The following DYNC2I1 variants were observed in gnomAD, a reference collection of about 807,000 sequenced individuals.
DYNC2I1 encodes cytoplasmic dynein 2 intermediate chain 1.
DYNC2I1 carries 89 observed loss-of-function variants against 133.4 expected under a neutral mutation model. That is an observed-to-expected ratio of 0.67 (90% CI 0.56 to 0.80). DYNC2I1 has a LOEUF of 0.80. Ranked by LOEUF, DYNC2I1 falls within the 30% of genes least tolerant of loss-of-function variation. The pLI, the probability that DYNC2I1 is intolerant of heterozygous loss-of-function variation, is 0.00. For synonymous variants in DYNC2I1, 504 were observed against 484.3 expected (o/e 1.04, Z -0.54); for missense variants, 1,291 against 1,314.5 (o/e 0.98, Z 0.28).
intron 15 of DYNC2I1, 121 bp from the exon 16 acceptor site, chr7:158,922,256 G>T (rs181065773): frequency 4.4e-5 from 43 of 968,516 alleles, no homozygotes; most frequent in African/African-American, 6.6e-5. Context: ...TGTTGGTTTC[G>T]AAAGGACCAC....
downstream of DYNC2I1, among the ~76,000 whole-genome samples, chr7:158,949,489 G>C (rs1851987647): frequency 6.6e-6 from 1 of 152,078 alleles, no homozygotes; most frequent in Non-Finnish European, 1.5e-5. Context: ...ACGAGAGCCA[G>C]GGTCCACCCC....
chr7:158,881,602 T>C (rs1325995174), intron 5 of DYNC2I1, among the ~76,000 whole-genome samples: 14 of 152,174 alleles, frequency 9.2e-5, no homozygotes, highest in African/African-American at 2.4e-4. Flanking sequence ...TACAGGCATG[T>C]GCCACCACTC....
chr7:158,926,936 G>C (rs1486886931), intron 19 of DYNC2I1, 56 bp from the exon 20 acceptor site: 2 of 1,325,418 alleles, frequency 1.5e-6, no homozygotes, highest in East Asian at 2.5e-5. Flanking sequence ...GCTTTGCTTA[G>C]GTTGTTTCAT....
intron 1 of DYNC2I1, among the ~76,000 whole-genome samples, chr7:158,864,810 A>T (rs932304557): frequency 9.2e-5 from 14 of 152,190 alleles, no homozygotes; most frequent in Non-Finnish European, 1.5e-4. Flanking sequence ...CTGGCTCAAA[A>T]TAACTTCTTT....
At chr7:158,953,176 TACCCTCCTC>T (rs1852106350) in intron 4 of DYNC2I1, among the ~76,000 whole-genome samples, 1 of 127,960 alleles carries the variant, frequency 7.8e-6, no homozygotes, top group African/African-American at 2.8e-5. Context: ...TGGCTGCTCC[TACCCTCCTC>T]GCCCTCCTCT....
At chr7:158,884,948 A>G (rs944461224) in intron 6 of DYNC2I1, among the ~76,000 whole-genome samples, 1 of 152,212 alleles carries the variant, frequency 6.6e-6, no homozygotes, top group Non-Finnish European at 1.5e-5. Flanking sequence ...ATGCAAAATT[A>G]GAAAATTGGT....
intron 14 of DYNC2I1, among the ~76,000 whole-genome samples, chr7:158,917,392 T>C (rs34824454): frequency 0.21 from 10,496 of 50,322 alleles, 633 homozygotes; most frequent in Non-Finnish European, 0.23. Flanking sequence ...CTCCACCCTC[T>C]GCCTCTCACT....
At chr7:158,874,498 C>T (rs1219424954) in intron 3 of DYNC2I1, among the ~76,000 whole-genome samples, 3 of 151,946 alleles carry the variant, frequency 2.0e-5, no homozygotes, top group South Asian at 2.1e-4. Context: ...CCTTTTTTGG[C>T]TGCCTGCTCA....
chr7:158,912,315 T>A (rs531944917), intron 12 of DYNC2I1, among the ~76,000 whole-genome samples: 2 of 152,364 alleles, frequency 1.3e-5, no homozygotes, highest in South Asian at 4.1e-4. Context: ...AGACGTCTTA[T>A]CTAACATTTT....
At chr7:158,938,839 T>G (rs1330775540) in intron 23 of DYNC2I1, among the ~76,000 whole-genome samples, 2 of 152,022 alleles carry the variant, frequency 1.3e-5, no homozygotes, top group Non-Finnish European at 2.9e-5. Context: ...AACAAAAAAC[T>G]TATCAAGGTA....
At chr7:158,871,114 C>T (rs376897055) in intron 2 of DYNC2I1, 28 bp from the exon 3 acceptor site, 58 of 1,588,778 alleles carry the variant, frequency 3.7e-5, no homozygotes, top group Non-Finnish European at 4.4e-5. Context: ...TTCCTGGTCA[C>T]GGAGGACCCT....
chr7:158,911,497 C>CGGAA, intron 11 of DYNC2I1, 53 bp from the exon 12 acceptor site: 1 of 1,586,074 alleles, frequency 6.3e-7, no homozygotes, highest in Non-Finnish European at 8.6e-7. Flanking sequence ...CCTACACTTC[C>CGGAA]CCACGTATAT....
At chr7:158,868,119 A>G (rs749829806) in intron 1 of DYNC2I1, among the ~76,000 whole-genome samples, 5 of 152,182 alleles carry the variant, frequency 3.3e-5, no homozygotes, top group Non-Finnish European at 7.3e-5. Flanking sequence ...AGAGTGTGAC[A>G]TAGAATCTGG....
intron 20 of DYNC2I1, among the ~76,000 whole-genome samples, chr7:158,929,834 C>T (rs1236157855): frequency 3.9e-5 from 6 of 152,112 alleles, no homozygotes; most frequent in Non-Finnish European, 8.8e-5. Flanking sequence ...AGTGGGTGGC[C>T]GAGGAGCCAG....
intron 8 of DYNC2I1, among the ~76,000 whole-genome samples, chr7:158,894,099 G>GTGCATATCCTACTGCATATCCTAC (rs1170705609): frequency 2.1e-3 from 9 of 4,358 alleles, no homozygotes; most frequent in Non-Finnish European, 6.9e-3. Context: ...GTATAGCAAA[G>GTGCATATCCTACTGCATATCCTAC]TGCATATCCT....
chr7:158,921,119 C>G (rs568435724), intron 15 of DYNC2I1, among the ~76,000 whole-genome samples: 65 of 152,056 alleles, frequency 4.3e-4, no homozygotes, highest in African/African-American at 1.5e-3. Flanking sequence ...CTAAACAGGT[C>G]AACACACAGT....
At chr7:158,949,704 G>T (rs976888770), downstream of DYNC2I1, among the ~76,000 whole-genome samples, 1 of 152,166 alleles carries the variant, frequency 6.6e-6, no homozygotes, top group Non-Finnish European at 1.5e-5. Flanking sequence ...GAGCATCAAA[G>T]GCCGGGAGAA....
intron 8 of DYNC2I1, among the ~76,000 whole-genome samples, chr7:158,894,124 C>CGGATATCCTACT (rs1845530538): frequency 1.6e-5 from 2 of 125,672 alleles, no homozygotes; most frequent in African/African-American, 6.2e-5. Context: ...CATATCCTAC[C>CGGATATCCTACT]GCATATCATA....
chr7:158,884,293 C>T (rs911804382), intron 5 of DYNC2I1, among the ~76,000 whole-genome samples: 5 of 152,136 alleles, frequency 3.3e-5, no homozygotes, highest in Admixed American at 2.0e-4. Flanking sequence ...GATGCGCCCG[C>T]CTTGGCCTCC....
Sources: allele counts gnomAD v4.1 joint callset (sites outside exome capture counted in the v4.1 genomes callset), GRCh38; gene constraint gnomAD v4.1.1; transcripts MANE v1.5; gene names NCBI Gene and HGNC (gene_info 2026-07-23, HGNC 2026-07-21).